The following FRMD5 variants were observed in gnomAD, a reference collection of about 807,000 sequenced individuals.
The protein encoded by FRMD5 is FERM domain containing 5.
Under a neutral mutation model 69.0 loss-of-function variants are expected in FRMD5, and 20 were observed. The ratio of observed to expected loss-of-function variants is 0.29; its 90% CI spans 0.20 to 0.42. FRMD5 has a LOEUF of 0.42. FRMD5 is among the 10% of genes least tolerant of loss of function. The pLI, the probability that FRMD5 is intolerant of heterozygous loss-of-function variation, is 1.00. For synonymous variants in FRMD5, 271 were observed against 260.1 expected (o/e 1.04, Z -0.40); for missense variants, 595 against 708.6 (o/e 0.84, Z 1.82).
intron 1 of FRMD5, chr15:44,063,889 G>T: frequency 3.7e-6 from 1 of 269,558 alleles, no homozygotes; most frequent in Non-Finnish European, 7.2e-6. Flanking sequence ...CCCCTCTGTC[G>T]ACGTCCCCAT....
At chr15:43,971,203 G>A (rs1205224733) in intron 1 of FRMD5, among the ~76,000 whole-genome samples, 1 of 151,622 alleles carries the variant, frequency 6.6e-6, no homozygotes, top group Non-Finnish European at 1.5e-5. Flanking sequence ...GCATGCCACT[G>A]CACTCCAGCC....
At chr15:43,880,364 C>CCCCT (rs2088490095) in intron 13 of FRMD5, among the ~76,000 whole-genome samples, 1 of 152,132 alleles carries the variant, frequency 6.6e-6, no homozygotes, top group Non-Finnish European at 1.5e-5. Flanking sequence ...TCCCTCGCAG[C>CCCCT]CCCTCCCTCC....
intron 1 of FRMD5, chr15:44,101,340 A>G (rs2076637507): frequency 6.6e-6 from 1 of 152,590 alleles, no homozygotes; most frequent in Non-Finnish European, 1.5e-5. Flanking sequence ...ATGAAATCAA[A>G]CCAAATCAAG....
chr15:43,888,711 T>C, intron 9 of FRMD5, 98 bp downstream of exon 9: 1 of 966,866 alleles, frequency 1.0e-6, no homozygotes, highest in Non-Finnish European at 1.6e-6. Context: ...AGTATGTGGG[T>C]AGCTTGGCTC....
chr15:44,032,208 T>C (rs1185099969), intron 1 of FRMD5, among the ~76,000 whole-genome samples: 1 of 152,158 alleles, frequency 6.6e-6, no homozygotes, highest in East Asian at 1.9e-4. Flanking sequence ...CAACTCAAGA[T>C]GGATAAAGAC....
chr15:43,885,688 G>A lies in FRMD5; in HGVS notation c.952C>T (p.Arg318Ter), dbSNP rs767545864. ...SNLFFKGSRF[R>*]YSGRVAKEVM... ...CTTACTGTCACTATTTACCTGTATC[G>A]GAACCGGCTCCCTTTAAAGAATAAA... The change falls in exon 11 of 14, where the codon CGA (arginine) becomes TGA (stop). Residue 318 changes from arginine (R) to a stop codon, truncating the protein, a stop_gained. Coordinates refer to ENST00000417257, the MANE Select transcript of FRMD5 (RefSeq NM_032892.5). LOFTEE classifies it high-confidence loss of function. 1.2e-6 allele frequency: 2 copies of A among 1,613,560 alleles called. No individual in the cohort carries two copies. The highest frequency in any genetic ancestry group is 1.1e-5 in the South Asian group (1 of 91,066).
chr15:43,876,056 T>G (rs1358400588), intron 13 of FRMD5: 1 of 1,237,850 alleles, frequency 8.1e-7, no homozygotes, highest in Non-Finnish European at 1.2e-6. Context: ...CTTCATTGAA[T>G]CTCATCCCAG....
intron 4 of FRMD5, 63 bp from the exon 5 acceptor site, chr15:43,910,042 T>C: frequency 1.1e-6 from 1 of 934,860 alleles, no homozygotes; most frequent in Non-Finnish European, 1.7e-6. Flanking sequence ...GATAGAAATA[T>C]GTATTGTAAG....
intron 1 of FRMD5, among the ~76,000 whole-genome samples, chr15:44,044,592 G>A (rs1435464531): frequency 6.6e-6 from 1 of 152,166 alleles, no homozygotes; most frequent in Non-Finnish European, 1.5e-5. Flanking sequence ...CCATAAAAAG[G>A]ATGAGTTCAT....
intron 1 of FRMD5, among the ~76,000 whole-genome samples, chr15:44,083,676 C>T (rs1894080796): frequency 6.6e-6 from 1 of 151,930 alleles, no homozygotes; most frequent in Admixed American, 6.6e-5. Context: ...ATTCAAGACG[C>T]TGAGATAAAA....
intron 1 of FRMD5, among the ~76,000 whole-genome samples, chr15:44,080,579 C>T (rs753406178): frequency 5.3e-5 from 8 of 152,112 alleles, no homozygotes; most frequent in South Asian, 2.1e-4. Context: ...TAGGAAAAGA[C>T]GTTTAGGAGT....
chr15:43,987,127 A>C (rs547060637), intron 1 of FRMD5, among the ~76,000 whole-genome samples: 5 of 152,260 alleles, frequency 3.3e-5, no homozygotes, highest in African/African-American at 1.2e-4. Context: ...ATTCCCCCAG[A>C]CACCACAATA....
Position 43,909,882 on chromosome 15 carries a change from C to T in FRMD5, c.427G>A (p.Ala143Thr). Residue 143 changes from alanine to threonine, a missense_variant and splice_region_variant, in exon 5 of 14, where the codon GCG becomes ACG. By Grantham distance (58) the Ala-to-Thr change is moderately conservative. Coordinates refer to ENST00000417257, the MANE Select transcript of FRMD5 (RefSeq NM_032892.5). ...AACTTATCCTGTCAAAAGTCATTAC[C>T]TTGAAGGATGTAAGCTGCTAACAAG... ...AALLAAYILQ[A>T]EIGDYDSGKH... 6.3e-7 allele frequency: 1 copy of T among 1,599,668 alleles called. No homozygotes were observed. Among genetic ancestry groups the T allele is most frequent in the Non-Finnish European group, 8.6e-7 (1 of 1,167,666 alleles).
chr15:43,963,396 G>A (rs1463268840), intron 1 of FRMD5, among the ~76,000 whole-genome samples: 1 of 152,140 alleles, frequency 6.6e-6, no homozygotes, highest in African/African-American at 2.4e-5. Flanking sequence ...TCATTAAAAA[G>A]TCAGGAAACA....
intron 4 of FRMD5, among the ~76,000 whole-genome samples, chr15:43,917,529 T>G (rs1025821891): frequency 6.6e-6 from 1 of 152,106 alleles, no homozygotes; most frequent in African/African-American, 2.4e-5. Flanking sequence ...TAGCTGGGAT[T>G]ACAGGCGTGA....
chr15:44,107,211 G>T (rs2140561380), intron 1 of FRMD5, among the ~76,000 whole-genome samples: 1 of 152,170 alleles, frequency 6.6e-6, no homozygotes, highest in Middle Eastern at 3.4e-3. Flanking sequence ...AAGGGAAGGG[G>T]GATACAACCT....
chr15:43,971,241 AAAAAAAC>A (rs1366389842), intron 1 of FRMD5, among the ~76,000 whole-genome samples: 41 of 152,060 alleles, frequency 2.7e-4, no homozygotes, highest in Non-Finnish European at 4.4e-4. Flanking sequence ...TCCACCTCAC[AAAAAAAC>A]AAAAAACAAA....
intron 13 of FRMD5, among the ~76,000 whole-genome samples, chr15:43,874,864 C>T (rs141131899): frequency 6.6e-6 from 1 of 152,132 alleles, no homozygotes; most frequent in East Asian, 1.9e-4. Flanking sequence ...CGCACTATTA[C>T]ACTCCATCCT....
intron 1 of FRMD5, among the ~76,000 whole-genome samples, chr15:43,993,637 T>C (rs1007640701): frequency 6.6e-6 from 1 of 152,056 alleles, no homozygotes; most frequent in Non-Finnish European, 1.5e-5. Flanking sequence ...TCCTTATTGA[T>C]TTTTTTTGTC....
Sources: gnomAD v4.1 joint callset for allele counts (sites outside exome capture counted in the v4.1 genomes callset) on GRCh38, gnomAD v4.1.1 for gene constraint, MANE v1.5 for transcripts, NCBI Gene and HGNC (gene_info 2026-07-23, HGNC 2026-07-21) for gene names.